Variants in ACO1 observed in about 807,000 individuals in gnomAD.
The protein encoded by ACO1 is aconitase 1.
Under a neutral mutation model 105.1 loss-of-function variants are expected in ACO1, and 78 were observed. The observed-to-expected ratio is 0.74, with a 90% CI of 0.62 to 0.90. The LOEUF (loss-of-function observed/expected upper bound fraction) is 0.90. Among genes scored for constraint, ACO1 ranks in the 40% least tolerant of loss-of-function variants. ACO1 has a pLI of 0.00. For missense variants in ACO1, 965 were observed against 1,111.1 expected (o/e 0.87, Z 1.87); for synonymous variants, 364 against 397.4 (o/e 0.92, Z 1.00).
At chr9:32,447,393 G>A (rs892656461) in intron 19 of ACO1, among the ~76,000 whole-genome samples, 2 of 151,786 alleles carry the variant, frequency 1.3e-5, no homozygotes, top group South Asian at 2.1e-4. Context: ...CGAAGTTCTC[G>A]TGCTGTGTTT....
intron 18 of ACO1, among the ~76,000 whole-genome samples, chr9:32,440,063 T>C (rs373208725): frequency 1.6e-4 from 24 of 152,096 alleles, no homozygotes; most frequent in Non-Finnish European, 2.8e-4. Context: ...GGTCAGGAGT[T>C]CAATACCAGT....
intron 4 of ACO1, among the ~76,000 whole-genome samples, chr9:32,416,219 C>T (rs573541175): frequency 4.7e-4 from 71 of 151,756 alleles, no homozygotes; most frequent in Middle Eastern, 3.4e-3. Flanking sequence ...CTCAGCCTCT[C>T]GAGTAGCTGG....
At chr9:32,429,316 C>G (rs1822172835) in intron 12 of ACO1, 103 bp from the exon 13 acceptor site, 1 of 1,010,520 alleles carries the variant, frequency 9.9e-7, no homozygotes, top group African/African-American at 1.6e-5. Flanking sequence ...TCATGCACTG[C>G]AATTCCTTTT....
At chr9:32,400,803 A>G (rs1287986865) in intron 1 of ACO1, among the ~76,000 whole-genome samples, 1 of 152,270 alleles carries the variant, frequency 6.6e-6, no homozygotes, top group East Asian at 1.9e-4. Flanking sequence ...ATACAGGAGT[A>G]TGAAACATAG....
At chr9:32,424,457 G>C in intron 9 of ACO1, 92 bp from the exon 10 acceptor site, 1 of 802,994 alleles carries the variant, frequency 1.2e-6, no homozygotes, top group East Asian at 2.6e-5. Context: ...TATTTTTATG[G>C]TTGTCATGTT....
chr9:32,432,206 T>A (rs1360260662), intron 15 of ACO1, among the ~76,000 whole-genome samples: 1 of 152,068 alleles, frequency 6.6e-6, no homozygotes, highest in African/African-American at 2.4e-5. Context: ...AGTCCATTGG[T>A]CGAATGCACC....
rs148758315 is a variant in ACO1 at position 32,390,493 on chromosome 9, C to T, written c.-23+5758C>T. ...TTATCTTAGTCTCCTTGTCAGATTG[C>T]AGTCTTCAAATAAGAGAAGGAATGT... On this transcript the variant is annotated intron_variant, in intron 1 of 20. Coordinates refer to ENST00000309951, the MANE Select transcript of ACO1 (RefSeq NM_002197.3). Among the ~76,000 whole-genome samples, 433 of 152,334 alleles carry T rather than the reference C, an allele frequency of 2.8e-3. 3 individuals are homozygous for T. Among genetic ancestry groups the T allele is most frequent in the Admixed American group, 3.9e-3 (60 of 15,306 alleles).
At chr9:32,422,411 T>A (rs886205133) in intron 8 of ACO1, among the ~76,000 whole-genome samples, 2 of 152,204 alleles carry the variant, frequency 1.3e-5, no homozygotes, top group Non-Finnish European at 2.9e-5. Context: ...CTCATACAGC[T>A]GTCTTTTATG....
In ACO1 at chr9:32,416,255, C is replaced by T. The variant is rs545962652; in HGVS notation, c.405-1873C>T. On this transcript the variant is annotated intron_variant, in intron 4 of 20. Transcript: ENST00000309951. ...GATTACAGGCGCCTGCCACCATGCC[C>T]GGCTAATTTTTATATTTTTAGCAGA... is the stretch of plus-strand genomic sequence containing the variant. Among the ~76,000 whole-genome samples the T allele has an allele frequency of 1.6e-3, 238 of 152,026 alleles. No homozygotes were observed. In the South Asian group the frequency reaches 0.016, roughly 10 times the overall value.
At chr9:32,424,394 G>A (rs1046353534) in intron 9 of ACO1, among the ~76,000 whole-genome samples, 155 bp from the exon 10 acceptor site, 2 of 152,174 alleles carry the variant, frequency 1.3e-5, no homozygotes, top group African/African-American at 4.8e-5. Context: ...TTAATTAAGA[G>A]GATTAAGAGA....
At position 32,453,739 on chromosome 9, in the gene ACO1, G is replaced by T. The variant is rs1208585996; in HGVS notation, c.*3628G>T. The T allele has an allele frequency of 6.6e-6, 1 of 152,192 alleles. No homozygotes were observed. The highest frequency in any genetic ancestry group is 2.4e-5 in the African/African-American group (1 of 41,444). 9.4% of individuals were successfully genotyped at this position (152,192 alleles called of 1,614,324 possible). ...ATGTACGGGGTTATGTAGGAGCAAT[G>T]CAGAGCCACTTTTGAAAAACAGTAG... On this transcript the variant is annotated 3_prime_UTR_variant, in exon 21 of 21. Coordinates refer to ENST00000309951, the MANE Select transcript of ACO1 (RefSeq NM_002197.3).
chr9:32,414,774 TA>T (rs1424161414), intron 4 of ACO1, among the ~76,000 whole-genome samples: 2 of 152,222 alleles, frequency 1.3e-5, no homozygotes, highest in South Asian at 4.1e-4. Flanking sequence ...GTTATAATCT[TA>T]CCTGTAGTGG....
At position 32,449,046 on chromosome 9, in the gene ACO1, G is replaced by C. The variant is rs1404182496; in HGVS notation, c.2521G>C (p.Glu841Gln). Residue 841 changes from glutamate (E) to glutamine (Q), a missense_variant, in exon 20 of 21, where the codon GAA becomes CAA. Glu to Gln is a conservative substitution (Grantham distance 29). Transcript: ENST00000309951. ...AGAACGATACACTATCATTATTCCAGAAAACCTCAAACCACAAATGAAAGT... is the reference window on the plus strand; with the variant it reads ...AGAACGATACACTATCATTATTCCACAAAACCTCAAACCACAAATGAAAGT... ...GQERYTIIIP[E>Q]NLKPQMKVQV... The C allele has an allele frequency of 2.5e-6, 4 of 1,610,682 alleles. No individual in the cohort carries two copies. Among genetic ancestry groups the C allele is most frequent in the Non-Finnish European group, 3.4e-6 (4 of 1,177,660 alleles).
In ACO1 at chr9:32,384,711, C is replaced by T. The variant is rs7854312; in HGVS notation, c.-47C>T. 1,423 of 412,894 alleles carry T rather than the reference C, an allele frequency of 3.4e-3. 16 individuals carry two copies. Among genetic ancestry groups the T allele is most frequent in the African/African-American group, 0.028 (1,271 of 46,184 alleles). The allele number at this position is 412,894 out of a possible 1,614,324, so 25.6% of individuals were successfully genotyped here. ...CTGCTTGGGTCAGGTTCGCCGGTCG[C>T]GGGAGCCCCGCCGTGCAGTCGGAGG... On this transcript the variant is annotated 5_prime_UTR_variant, in exon 1 of 21. Transcript: ENST00000309951.
Position 32,450,752 on chromosome 9 carries a change from T to G in ACO1, c.*641T>G, listed in dbSNP as rs900550687. 2.0e-5 allele frequency: 3 copies of G among 152,224 alleles called. No individual in the cohort carries two copies. Among genetic ancestry groups the G allele is most frequent in the African/African-American group, 7.2e-5 (3 of 41,410 alleles). 9.4% of individuals were successfully genotyped at this position (152,224 alleles called of 1,614,324 possible). A position where few individuals can be genotyped will look rare whatever the true frequency, so the allele number is the denominator to read the frequency against. On this transcript the variant is annotated 3_prime_UTR_variant, in exon 21 of 21. Transcript: ENST00000309951. ...AAGTTTTCTTTTACTATCTTTTCAT[T>G]TATCAAGCAGAGACCTTTGTTGGGA...
intron 1 of ACO1, among the ~76,000 whole-genome samples, chr9:32,388,619 A>T (rs946731803): frequency 6.6e-6 from 1 of 152,178 alleles, no homozygotes; most frequent in Non-Finnish European, 1.5e-5. Context: ...TTGTACATCT[A>T]TGTGTACATA....
chr9:32,434,716 G>C lies in ACO1; in HGVS notation c.2099+15G>C. On this transcript the variant is annotated intron_variant, in intron 17 of 20. Transcript: ENST00000309951. ...ACTAACAGAGGGTAAGTATGAATGA[G>C]GCAGGAAGGACTAAAGGCAAAAATG... 6.2e-7 allele frequency: 1 copy of C among 1,613,308 alleles called. No individual in the cohort carries two copies. The highest frequency in any genetic ancestry group is 8.5e-7 in the Non-Finnish European group (1 of 1,179,404).
chr9:32,418,596 A>G (rs1821903896), intron 6 of ACO1, 85 bp downstream of exon 6: 51 of 1,439,838 alleles, frequency 3.5e-5, no homozygotes, highest in South Asian at 7.0e-5. Context: ...ATGAATTTAC[A>G]TGACCACAAG....
At position 32,419,732 on chromosome 9, in the gene ACO1, G is replaced by C. The variant is rs566449602; in HGVS notation, c.798+555G>C. 5.3e-5 allele frequency among the ~76,000 whole-genome samples: 8 copies of C among 152,234 alleles called. No individual in the cohort carries two copies. In the East Asian group the frequency reaches 1.5e-3, roughly 29 times the overall value. ...TTAAATTCTCTTCTCTGTATTATAA[G>C]TTACATTATTGTAACATATATGTCA... On this transcript the variant is annotated intron_variant, in intron 7 of 20. Coordinates refer to ENST00000309951, the MANE Select transcript of ACO1 (RefSeq NM_002197.3).
Sources: allele counts gnomAD v4.1 joint callset (sites outside exome capture counted in the v4.1 genomes callset), GRCh38; gene constraint gnomAD v4.1.1; transcripts MANE v1.5; gene names NCBI Gene and HGNC (gene_info 2026-07-23, HGNC 2026-07-21).